TBC1D14: variants seen among roughly 807,000 people sequenced by gnomAD.
TBC1D14 encodes TBC1 domain family member 14.
Under a neutral mutation model 79.0 loss-of-function variants are expected in TBC1D14, and 26 were observed. The ratio of observed to expected loss-of-function variants is 0.33; its 90% CI spans 0.24 to 0.46. The LOEUF (loss-of-function observed/expected upper bound fraction) is 0.46, where lower values mean the gene tolerates loss of function less well. TBC1D14 is among the 20% of genes least tolerant of loss of function. The pLI, the probability that TBC1D14 is intolerant of heterozygous loss-of-function variation, is 1.00. For missense variants in TBC1D14, 769 were observed against 887.6 expected, an observed-to-expected ratio of 0.87 and a Z score of 1.70; for synonymous variants, 394 against 349.9, an observed-to-expected ratio of 1.13 and a Z score of -1.40.
At position 6,999,105 on chromosome 4, in the gene TBC1D14, A is replaced by C. The variant is rs1261539012; in HGVS notation, c.1066A>C (p.Arg356=). 2 of 1,614,220 alleles carry C rather than the reference A, an allele frequency of 1.2e-6. No individual in the cohort carries two copies. Among genetic ancestry groups the C allele is most frequent in the East Asian group, 4.5e-5 (2 of 44,886 alleles). Residue 356 remains arginine, a synonymous_variant, in exon 6 of 14, where the codon AGG becomes CGG. Transcript: ENST00000409757. ...TCTAGAGCTGAAAGAAGCCCAGCGA[A>C]GGAAGAAGCAGCTGGAAGAAAGATG... ...KKRELKEAQR[R]KKQLEERCRV...
chr4:6,972,373 A>G (rs1488499973), intron 3 of TBC1D14, among the ~76,000 whole-genome samples: 3 of 152,182 alleles, frequency 2.0e-5, no homozygotes, highest in African/African-American at 7.2e-5. Context: ...CGGCCACCAA[A>G]TGCAAGCGTC....
chr4:6,915,327 C>G (rs987921342), intron 1 of TBC1D14, among the ~76,000 whole-genome samples: 1 of 152,220 alleles, frequency 6.6e-6, no homozygotes, highest in African/African-American at 2.4e-5. Context: ...ACAGATGCCT[C>G]AGGTCAACCC....
chr4:7,016,468 G>T (rs11732301), intron 12 of TBC1D14, among the ~76,000 whole-genome samples: 1 of 152,070 alleles, frequency 6.6e-6, no homozygotes, highest in Non-Finnish European at 1.5e-5. Context: ...GCTGGAGGAC[G>T]GGAGGGGATC....
intron 2 of TBC1D14, among the ~76,000 whole-genome samples, chr4:6,934,370 G>A (rs984487912): frequency 5.9e-5 from 9 of 152,094 alleles, no homozygotes; most frequent in African/African-American, 2.2e-4. Context: ...GGGGCAACTG[G>A]GCAGAGGTTG....
chr4:6,955,796 G>C (rs1714576271), intron 2 of TBC1D14, among the ~76,000 whole-genome samples: 2 of 152,142 alleles, frequency 1.3e-5, no homozygotes, highest in Admixed American at 1.3e-4. Context: ...TGCTCCACCA[G>C]GTCAGGGAGG....
At chr4:6,996,488 G>C in intron 5 of TBC1D14, 81 bp downstream of exon 5, 2 of 1,120,050 alleles carry the variant, frequency 1.8e-6, no homozygotes, top group Non-Finnish European at 2.7e-6. Flanking sequence ...TTACCATTTG[G>C]AGTCATAGAA....
chr4:7,012,101 C>T (rs1436348801), intron 11 of TBC1D14, among the ~76,000 whole-genome samples: 1 of 151,612 alleles, frequency 6.6e-6, no homozygotes. Flanking sequence ...GAGTAACACA[C>T]GAGGCCTGGC....
At chr4:7,026,780 C>G (rs1722415791) in intron 13 of TBC1D14, among the ~76,000 whole-genome samples, 1 of 152,028 alleles carries the variant, frequency 6.6e-6, no homozygotes, top group South Asian at 2.1e-4. Flanking sequence ...ATCTGTAGTT[C>G]CAGCTGCTAG....
At chr4:6,985,711 A>T (rs1717758621) in intron 3 of TBC1D14, among the ~76,000 whole-genome samples, 2 of 9,014 alleles carry the variant, frequency 2.2e-4, no homozygotes, top group South Asian at 0.12. Flanking sequence ...AGTGTCCTAG[A>T]TAATTAATCT....
At chr4:6,996,184 G>C in intron 4 of TBC1D14, 141 bp from the exon 5 acceptor site, 1 of 655,206 alleles carries the variant, frequency 1.5e-6, no homozygotes, top group Non-Finnish European at 2.7e-6. Flanking sequence ...ATAAAAGTTT[G>C]TGAAAGAACT....
At chr4:6,983,433 T>C (rs529394181) in intron 3 of TBC1D14, among the ~76,000 whole-genome samples, 5 of 152,244 alleles carry the variant, frequency 3.3e-5, no homozygotes, top group African/African-American at 1.2e-4. Flanking sequence ...AAATTTTACA[T>C]TGAGCTTTCT....
intron 1 of TBC1D14, among the ~76,000 whole-genome samples, chr4:6,912,689 C>G (rs928124370): frequency 6.6e-6 from 1 of 152,186 alleles, no homozygotes; most frequent in Non-Finnish European, 1.5e-5. Context: ...TGGCCCGATC[C>G]GTGTCCAGGA....
intron 10 of TBC1D14, among the ~76,000 whole-genome samples, 180 bp downstream of exon 10, chr4:7,010,128 T>C (rs1720604449): frequency 6.6e-6 from 1 of 152,228 alleles, no homozygotes; most frequent in South Asian, 2.1e-4. Context: ...GAAATTGAGC[T>C]GTCGTGGCTG....
intron 2 of TBC1D14, among the ~76,000 whole-genome samples, chr4:6,965,480 G>A (rs760988124): frequency 2.0e-5 from 3 of 152,056 alleles, no homozygotes. Flanking sequence ...TGCATTCTTG[G>A]GCATCAGCGC....
chr4:6,986,377 TAGA>T (rs1717824861), intron 3 of TBC1D14, among the ~76,000 whole-genome samples: 1 of 152,370 alleles, frequency 6.6e-6, no homozygotes, highest in East Asian at 1.9e-4. Context: ...TGCTGAATTA[TAGA>T]AGAAGCTGCA....
At position 7,027,923 on chromosome 4, in the gene TBC1D14, CCA is replaced by C. The variant is rs545353856; in HGVS notation, c.2017-2399_2017-2398del. On this transcript the variant is annotated intron_variant, in intron 13 of 13. Transcript: ENST00000409757. The stretch of plus-strand genomic sequence containing the variant: ...ACAATCACACACATACACAATCACC[CCA>C]CACAGTTACCCACACGCACAGATCA... 2.8e-4 allele frequency among the ~76,000 whole-genome samples: 42 copies of C among 149,228 alleles called. No individual in the cohort carries two copies. The East Asian group carries it at 5.0e-3, about 18-fold the overall frequency.
At chr4:6,918,507 C>T (rs73199948) in intron 1 of TBC1D14, among the ~76,000 whole-genome samples, 1,915 of 152,282 alleles carry the variant, frequency 0.013, 15 homozygotes, top group Non-Finnish European at 0.021. Flanking sequence ...CTTCAGCAGA[C>T]CTTCTCATTT....
At position 6,978,644 on chromosome 4, in the gene TBC1D14, TTTGTTCAC is replaced by T. The variant is rs1577113073; in HGVS notation, c.843+11226_843+11233del. 2.0e-5 allele frequency among the ~76,000 whole-genome samples: 3 copies of T among 148,370 alleles called. No individual in the cohort carries two copies. In the East Asian group the frequency reaches 5.8e-4, roughly 29 times the overall value. ...CCTCTGCATAGGAAAACCAGAGACC[TTTGTTCAC>T]TTGTTTATCTGCTGACCTTCCCTCC... On this transcript the variant is annotated intron_variant, in intron 3 of 13. Coordinates refer to ENST00000409757, the MANE Select transcript of TBC1D14 (RefSeq NM_020773.3).
intron 2 of TBC1D14, among the ~76,000 whole-genome samples, chr4:6,958,943 G>A (rs1714923663): frequency 2.0e-5 from 3 of 152,012 alleles, no homozygotes; most frequent in Non-Finnish European, 2.9e-5. Context: ...GAGTGCAGTG[G>A]TGGGATCTCG....
Sources: allele counts gnomAD v4.1 joint callset (sites outside exome capture counted in the v4.1 genomes callset), GRCh38; gene constraint gnomAD v4.1.1; transcripts MANE v1.5; gene names NCBI Gene and HGNC (gene_info 2026-07-23, HGNC 2026-07-21).